RPTOR: variants seen among roughly 807,000 people sequenced by gnomAD.
RPTOR encodes the protein regulatory-associated protein of mTOR.
Under a neutral mutation model 169.9 loss-of-function variants are expected in RPTOR, and 21 were observed. The observed-to-expected ratio is 0.12, with a 90% CI of 0.09 to 0.18. The LOEUF (loss-of-function observed/expected upper bound fraction) is 0.18, where lower values mean the gene tolerates loss of function less well. Among genes scored for constraint, RPTOR ranks in the 10% least tolerant of loss-of-function variants. The pLI, the probability that RPTOR is intolerant of heterozygous loss-of-function variation, is 1.00. For synonymous variants in RPTOR, 732 were observed against 753.2 expected (o/e 0.97, Z 0.46); for missense variants, 1,133 against 1,855.9 (o/e 0.61, Z 7.16).
At chr17:80,723,557 C>T (rs879484163) in intron 4 of RPTOR, among the ~76,000 whole-genome samples, 6 of 151,382 alleles carry the variant, frequency 4.0e-5, no homozygotes, top group Admixed American at 2.0e-4. Context: ...CACCTTCTAG[C>T]ATTTTCTCTA....
intron 17 of RPTOR, among the ~76,000 whole-genome samples, chr17:80,887,048 G>C (rs1174813121): frequency 6.6e-6 from 1 of 152,140 alleles, no homozygotes; most frequent in African/African-American, 2.4e-5. Flanking sequence ...CCTGGTTATG[G>C]AGGGTGAGCA....
rs532921169 is a variant in RPTOR at position 80,562,305 on chromosome 17, A to T, written c.162+16514A>T. ...AACTTAAGGAATGTTTTGGTGGGATATGTTGAAATTGTTGCCTAAAACGAT... is the reference window on the plus strand; with the variant it reads ...AACTTAAGGAATGTTTTGGTGGGATTTGTTGAAATTGTTGCCTAAAACGAT... On this transcript the variant is annotated intron_variant, in intron 1 of 33. Transcript: ENST00000306801. This position sits in a 1 kb window ranked among gnomAD's most constrained non-coding sequence, Gnocchi z 4.4. Among the ~76,000 whole-genome samples the T allele has an allele frequency of 3.9e-4, 60 of 152,302 alleles. No homozygotes were observed. The highest frequency in any genetic ancestry group is 1.4e-3 in the African/African-American group (60 of 41,554).
At chr17:80,930,233 GC>G (rs2068864751) in intron 24 of RPTOR, among the ~76,000 whole-genome samples, 19 of 143,626 alleles carry the variant, frequency 1.3e-4, no homozygotes, top group African/African-American at 2.4e-4. Context: ...CTCATCCCCA[GC>G]TCATCCTCAG....
chr17:80,756,285 C>T (rs2066680267), intron 6 of RPTOR, among the ~76,000 whole-genome samples: 1 of 152,190 alleles, frequency 6.6e-6, no homozygotes, highest in Admixed American at 6.5e-5. Context: ...AAGGTCCTTG[C>T]CAGATGCCAC....
intron 4 of RPTOR, among the ~76,000 whole-genome samples, chr17:80,718,359 C>T (rs2066256908): frequency 6.6e-6 from 1 of 152,206 alleles, no homozygotes; most frequent in African/African-American, 2.4e-5. Flanking sequence ...TACCCTTACC[C>T]CTCCGGACAT....
intron 20 of RPTOR, among the ~76,000 whole-genome samples, chr17:80,904,059 T>G (rs1330860154): frequency 4.6e-5 from 7 of 152,232 alleles, no homozygotes; most frequent in African/African-American, 1.7e-4. Flanking sequence ...GAGAAAACGA[T>G]GCAGACGCAC....
intron 21 of RPTOR, among the ~76,000 whole-genome samples, chr17:80,913,664 G>T (rs1457250388): frequency 2.6e-5 from 4 of 152,146 alleles, no homozygotes; most frequent in African/African-American, 7.2e-5. Flanking sequence ...TGTTGCCCAG[G>T]CTGGTCTCAA....
chr17:80,615,640 TAC>T (rs2065303994), intron 1 of RPTOR, among the ~76,000 whole-genome samples: 1 of 152,150 alleles, frequency 6.6e-6, no homozygotes, highest in Admixed American at 6.5e-5. Context: ...CACATGCTGT[TAC>T]CTATTCTCTT....
chr17:80,827,879 C>T (rs1454360952), intron 9 of RPTOR, among the ~76,000 whole-genome samples: 3 of 152,192 alleles, frequency 2.0e-5, no homozygotes, highest in South Asian at 2.1e-4. Context: ...CGCAAAGCTA[C>T]GATTTTTACT....
At chr17:80,751,805 C>T (rs2066632991) in intron 5 of RPTOR, among the ~76,000 whole-genome samples, 1 of 152,212 alleles carries the variant, frequency 6.6e-6, no homozygotes, top group Admixed American at 6.5e-5. Flanking sequence ...GACGACCAGT[C>T]TCTGTCATGC....
chr17:80,681,150 C>T (rs532936484), intron 3 of RPTOR, among the ~76,000 whole-genome samples: 2 of 152,276 alleles, frequency 1.3e-5, no homozygotes, highest in East Asian at 1.9e-4. Context: ...GCACCTGCCA[C>T]GTGTTCTGCG....
chr17:80,857,693 C>A, intron 12 of RPTOR, 97 bp from the exon 13 acceptor site: 1 of 748,544 alleles, frequency 1.3e-6, no homozygotes, highest in African/African-American at 1.7e-5. Context: ...CCCATATGTG[C>A]TGAAGATAGC....
At position 80,964,578 on chromosome 17, in the gene RPTOR, C is replaced by T. The variant is rs1034809053; in HGVS notation, c.*248C>T. The T allele has an allele frequency of 3.5e-6, 2 of 567,668 alleles. No individual in the cohort carries two copies. The highest frequency in any genetic ancestry group is 6.3e-6 in the Non-Finnish European group (2 of 316,046). 35.2% of individuals were successfully genotyped at this position (567,668 alleles called of 1,614,324 possible). A position where few individuals can be genotyped will look rare whatever the true frequency, so the allele number is the denominator to read the frequency against. On this transcript the variant is annotated 3_prime_UTR_variant, in exon 34 of 34. Transcript: ENST00000306801. ...CCCACTGAGCACCAGCATCCAGGTG[C>T]ACCCCCGCGGCCACGGCGCCTCTGT...
chr17:80,796,188 T>C (rs1766670134), intron 7 of RPTOR, among the ~76,000 whole-genome samples: 2 of 152,190 alleles, frequency 1.3e-5, no homozygotes, highest in African/African-American at 4.8e-5. Context: ...GGGACAGAAC[T>C]CATAGGATAG....
intron 4 of RPTOR, among the ~76,000 whole-genome samples, chr17:80,714,186 C>T (rs1258114423): frequency 2.6e-5 from 4 of 152,170 alleles, no homozygotes; most frequent in African/African-American, 9.7e-5. Context: ...GGTGATCTGC[C>T]GGCCTCGGCC....
At chr17:80,769,314 G>A (rs9895847) in intron 6 of RPTOR, among the ~76,000 whole-genome samples, 41,555 of 152,136 alleles carry the variant, frequency 0.27, 5,849 homozygotes, top group African/African-American at 0.33. Flanking sequence ...GTATATGTAT[G>A]TTCAGTACAT....
intron 33 of RPTOR, among the ~76,000 whole-genome samples, chr17:80,963,787 G>A (rs1353302850): frequency 8.7e-6 from 1 of 115,276 alleles, no homozygotes; most frequent in Non-Finnish European, 1.7e-5. Flanking sequence ...CCCTCACCCC[G>A]TCCCCTCTGC....
chr17:80,730,383 G>A lies in RPTOR; in HGVS notation c.508-177G>A, dbSNP rs2066379995. On this transcript the variant is annotated intron_variant, in intron 4 of 33. Coordinates refer to ENST00000306801, the MANE Select transcript of RPTOR (RefSeq NM_020761.3). The surrounding 1 kb of genome is among the most constrained non-coding windows in gnomAD (Gnocchi z 4.2). ...AGCCTCCCAAAGTGCTGAGATTCAG[G>A]TGTGAGCCATTGCGCCTGGCCAGTT... Among the ~76,000 whole-genome samples the A allele has an allele frequency of 6.6e-6, 1 of 152,148 alleles. No individual in the cohort carries two copies. The highest frequency in any genetic ancestry group is 1.5e-5 in the Non-Finnish European group (1 of 68,048).
In RPTOR at chr17:80,696,637, C is replaced by T. The variant is rs540479132; in HGVS notation, c.349-11204C>T. Reference sequence around the variant, plus strand: ...TGGTGCGTCAGAGCCTGGATCTCTGCAGTGGGCGCAGAAGGGACACAGGAA... The same window carrying T: ...TGGTGCGTCAGAGCCTGGATCTCTGTAGTGGGCGCAGAAGGGACACAGGAA... On this transcript the variant is annotated intron_variant, in intron 3 of 33. Transcript: ENST00000306801. Among the ~76,000 whole-genome samples, 6 of 152,336 alleles carry T rather than the reference C, an allele frequency of 3.9e-5. No homozygotes were observed. In the East Asian group the frequency reaches 7.7e-4, roughly 20 times the overall value.
Sources: gnomAD v4.1 joint callset for allele counts (sites outside exome capture counted in the v4.1 genomes callset) on GRCh38, gnomAD v4.1.1 for gene constraint, Gnocchi (gnomAD v3.1) non-coding constraint, MANE v1.5 for transcripts, NCBI Gene and HGNC (gene_info 2026-07-23, HGNC 2026-07-21) for gene names.